Variants in MYOM1 observed in about 807,000 individuals in gnomAD.
MYOM1 encodes the protein myomesin 1.
Under a neutral mutation model 205.3 loss-of-function variants are expected in MYOM1, and 164 were observed. The ratio of observed to expected loss-of-function variants is 0.80; its 90% confidence interval spans 0.70 to 0.91. The LOEUF is 0.91. MYOM1 is among the 40% of genes least tolerant of loss of function. The pLI, the probability that MYOM1 is intolerant of heterozygous loss-of-function variation, is 0.00. For missense variants in MYOM1, 2,011 were observed against 2,127.3 expected (o/e 0.95, Z 1.08); for synonymous variants, 772 against 789.4 (o/e 0.98, Z 0.37).
chr18:3,138,043 A>C (rs750820662), intron 14 of MYOM1, among the ~76,000 whole-genome samples: 4 of 152,174 alleles, frequency 2.6e-5, no homozygotes, highest in Non-Finnish European at 4.4e-5. Flanking sequence ...CTATTCTTAA[A>C]ATTAAAATGA....
chr18:3,169,036 A>G, intron 8 of MYOM1, 55 bp from the exon 9 acceptor site: 2 of 1,476,186 alleles, frequency 1.4e-6, no homozygotes, highest in Non-Finnish European at 1.8e-6. Flanking sequence ...AAGAGACACA[A>G]GCATTTTAAT....
intron 20 of MYOM1, among the ~76,000 whole-genome samples, chr18:3,118,745 C>T (rs2079643098): frequency 6.6e-6 from 1 of 152,092 alleles, no homozygotes. Flanking sequence ...TGAAAATAGA[C>T]CCACTTTTAT....
intron 3 of MYOM1, among the ~76,000 whole-genome samples, chr18:3,192,942 C>G (rs530155418): frequency 1.3e-5 from 2 of 152,094 alleles, no homozygotes; most frequent in African/African-American, 4.8e-5. Context: ...TATTTTTCAG[C>G]TACCTAAATG....
chr18:3,172,365 G>T (rs928616126), intron 8 of MYOM1, among the ~76,000 whole-genome samples: 1 of 152,144 alleles, frequency 6.6e-6, no homozygotes, highest in Non-Finnish European at 1.5e-5. Flanking sequence ...TTCAGTCCCC[G>T]CCTTGACAGA....
At chr18:3,078,289 G>A (rs186216410) in intron 34 of MYOM1, among the ~76,000 whole-genome samples, 5 of 152,180 alleles carry the variant, frequency 3.3e-5, no homozygotes, top group African/African-American at 9.6e-5. Context: ...TGATCCACCC[G>A]CCTCAGCCTC....
At chr18:3,187,420 A>C (rs2080832517) in intron 5 of MYOM1, 60 bp downstream of exon 5, 1 of 1,566,592 alleles carries the variant, frequency 6.4e-7, no homozygotes, top group Admixed American at 1.7e-5. Flanking sequence ...GTGTGTTTCC[A>C]CTAGAGGCGA....
intron 10 of MYOM1, among the ~76,000 whole-genome samples, chr18:3,155,314 C>T (rs981856856): frequency 3.9e-5 from 6 of 152,174 alleles, no homozygotes; most frequent in African/African-American, 7.2e-5. Context: ...CTCCACCTCC[C>T]GGGTTCACGC....
At chr18:3,095,607 GA>G (rs1250853056) in intron 25 of MYOM1, among the ~76,000 whole-genome samples, 1 of 152,152 alleles carries the variant, frequency 6.6e-6, no homozygotes, top group African/African-American at 2.4e-5. Context: ...TATAGTAAGA[GA>G]ACACATTAAG....
At chr18:3,124,307 T>TTC (rs1033386775) in intron 19 of MYOM1, among the ~76,000 whole-genome samples, 10 of 147,622 alleles carry the variant, frequency 6.8e-5, no homozygotes, top group African/African-American at 2.0e-4. Flanking sequence ...TTTTTTCTTT[T>TTC]TTTTTTTTTT....
At chr18:3,220,757 G>GT (rs138549714), upstream of MYOM1, among the ~76,000 whole-genome samples, 11,077 of 152,116 alleles carry the variant, frequency 0.073, 424 homozygotes, top group Admixed American at 0.093. Flanking sequence ...TAAGCTTCAG[G>GT]TTTTTTGTCT....
the MYOM1 span, among the ~76,000 whole-genome samples, chr18:3,227,727 G>A: frequency 6.6e-6 from 1 of 152,110 alleles, no homozygotes; most frequent in Non-Finnish European, 1.5e-5. Context: ...GCTGAGGCAG[G>A]AGAATCGCTT....
upstream of MYOM1, among the ~76,000 whole-genome samples, chr18:3,221,854 C>T (rs557735108): frequency 2.0e-5 from 3 of 152,248 alleles, no homozygotes; most frequent in Non-Finnish European, 4.4e-5. Context: ...AAGCCATAGG[C>T]GAGTTTTCCA....
the MYOM1 span, among the ~76,000 whole-genome samples, chr18:3,244,126 G>A: frequency 3.3e-4 from 50 of 152,132 alleles, no homozygotes; most frequent in Admixed American, 9.2e-4. Context: ...AGGATGTTTC[G>A]CAGCGTCCCT....
At chr18:3,085,158 T>G in intron 30 of MYOM1, 26 bp from the exon 31 acceptor site, 3 of 1,545,774 alleles carry the variant, frequency 1.9e-6, no homozygotes, top group Non-Finnish European at 2.6e-6. Context: ...TATACCACAT[T>G]GCACCTTTCG....
At chr18:3,198,015 G>C (rs184700885) in intron 2 of MYOM1, among the ~76,000 whole-genome samples, 20 of 152,190 alleles carry the variant, frequency 1.3e-4, no homozygotes, top group Non-Finnish European at 2.6e-4. Context: ...TGCTCTCCCT[G>C]AATTTATTCA....
chr18:3,143,350 C>G (rs2080079840), intron 13 of MYOM1, among the ~76,000 whole-genome samples: 1 of 152,016 alleles, frequency 6.6e-6, no homozygotes, highest in Admixed American at 6.5e-5. Context: ...AATACCTGCA[C>G]TACGAGAAAT....
At chr18:3,166,263 C>CTTTTTTTTTTTTTTTTTTT (rs765532198) in intron 9 of MYOM1, among the ~76,000 whole-genome samples, 1 of 111,668 alleles carries the variant, frequency 9.0e-6, no homozygotes, top group African/African-American at 3.6e-5. Context: ...TATCTCAAGT[C>CTTTTTTTTTTTTTTTTTTT]TTTTTTTTTT....
intron 22 of MYOM1, among the ~76,000 whole-genome samples, chr18:3,103,278 C>A (rs372398195): frequency 3.3e-5 from 5 of 152,226 alleles, no homozygotes; most frequent in African/African-American, 1.2e-4. Flanking sequence ...AGAGTGATAG[C>A]AACTGAGAAA....
chr18:3,181,771 G>C (rs1439736976), intron 5 of MYOM1, among the ~76,000 whole-genome samples: 2 of 113,724 alleles, frequency 1.8e-5, no homozygotes, highest in Non-Finnish European at 3.4e-5. Flanking sequence ...GTCTTGCTCT[G>C]TCCCCCAGGC....
Sources: allele counts gnomAD v4.1 joint callset (sites outside exome capture counted in the v4.1 genomes callset), GRCh38; gene constraint gnomAD v4.1.1; transcripts MANE v1.5; gene names NCBI Gene and HGNC (gene_info 2026-07-23, HGNC 2026-07-21).